MMS22L: variants seen among roughly 807,000 people sequenced by gnomAD.
MMS22L encodes the protein MMS22 like, DNA repair protein.
Under a neutral mutation model 159.1 loss-of-function variants are expected in MMS22L, and 74 were observed. The ratio of observed to expected loss-of-function variants is 0.47; its 90% CI spans 0.39 to 0.56. The LOEUF (loss-of-function observed/expected upper bound fraction) is 0.56. Among genes scored for constraint, MMS22L ranks in the 20% least tolerant of loss-of-function variants. The probability of loss-of-function intolerance (pLI) is 0.00; values close to 1 mark genes in which losing one functional copy is unlikely to be tolerated. For synonymous variants in MMS22L, 517 were observed against 506.9 expected (o/e 1.02, Z -0.27); for missense variants, 1,351 against 1,422.1 (o/e 0.95, Z 0.80).
chr6:97,162,024 C>T lies in MMS22L; in HGVS notation c.3363G>A (p.Leu1121=). ...AACCTTGTGGTTCACTGACTAACAC[C>T]AAGCATTTTAAAATGCCAGGGAGGA... ...ELLLPGILKC[L]VLVSEPQVKR... Residue 1121 remains leucine (L), a synonymous_variant, in exon 22 of 25, where the codon TTG becomes TTA. Coordinates refer to ENST00000683635, the MANE Select transcript of MMS22L (RefSeq NM_001350599.2). 1.2e-6 allele frequency: 2 copies of T among 1,610,636 alleles called. No individual in the cohort carries two copies. The highest frequency in any genetic ancestry group is 1.7e-6 in the Non-Finnish European group (2 of 1,178,618).
At position 97,272,883 on chromosome 6, in the gene MMS22L, TA is replaced by T. The variant is rs771431203; in HGVS notation, c.429-3del. ...TCAGCATTCTGTACTTTCAGATACC[TA>T]AAAAATAATTAGATAAAATAAACAA... On this transcript the variant is annotated splice_polypyrimidine_tract_variant and splice_region_variant and intron_variant, in intron 5 of 24. Transcript: ENST00000683635. 2.5e-5 allele frequency: 40 copies of T among 1,608,944 alleles called. No homozygotes were observed. In the South Asian group the frequency reaches 4.1e-4, roughly 17 times the overall value.
In MMS22L at chr6:97,211,734, G is replaced by T. The variant is rs114763586; in HGVS notation, c.2039+17160C>A. ...GTAGAAAAGTAGATGTCAGAAGAAA[G>T]AAATGCGGCAAAGTGTATCAATAAC... On this transcript the variant is annotated intron_variant, in intron 14 of 24. Coordinates refer to ENST00000683635, the MANE Select transcript of MMS22L (RefSeq NM_001350599.2). Among the ~76,000 whole-genome samples, 266 of 152,216 alleles carry T rather than the reference G, an allele frequency of 1.7e-3. 1 individual carries two copies. Among genetic ancestry groups the T allele is most frequent in the African/African-American group, 5.9e-3 (247 of 41,560 alleles).
chr6:97,195,898 T>C (rs1425287985), intron 14 of MMS22L, among the ~76,000 whole-genome samples: 1 of 152,186 alleles, frequency 6.6e-6, no homozygotes, highest in Non-Finnish European at 1.5e-5. Flanking sequence ...ACACTAATTA[T>C]TTCGCATTTT....
At chr6:97,202,465 TC>T (rs1807282860) in intron 14 of MMS22L, among the ~76,000 whole-genome samples, 1 of 152,202 alleles carries the variant, frequency 6.6e-6, no homozygotes, top group African/African-American at 2.4e-5. Context: ...ATGGGAGGGA[TC>T]CTATGCATAT....
At chr6:97,194,518 T>C (rs1464131973) in intron 14 of MMS22L, among the ~76,000 whole-genome samples, 2 of 152,220 alleles carry the variant, frequency 1.3e-5, no homozygotes, top group South Asian at 2.1e-4. Context: ...CTGGCATATA[T>C]ATTTTCAATA....
chr6:97,246,210 T>C, intron 11 of MMS22L: 1 of 443,082 alleles, frequency 2.3e-6, no homozygotes, highest in South Asian at 1.6e-5. Context: ...ACTAGGACCT[T>C]ATCAGTTAGA....
chr6:97,150,256 G>C (rs915963560), intron 23 of MMS22L, among the ~76,000 whole-genome samples: 2 of 152,150 alleles, frequency 1.3e-5, no homozygotes, highest in African/African-American at 4.8e-5. Context: ...GCAGGGAAGG[G>C]AAGAGTTGGA....
At position 97,143,817 on chromosome 6, in the gene MMS22L, G is replaced by A. The variant is rs1800751338; in HGVS notation, c.*2989C>T. 6.6e-6 allele frequency: 1 copy of A among 152,246 alleles called. No homozygotes were observed. Among genetic ancestry groups the A allele is most frequent in the Admixed American group, 6.5e-5 (1 of 15,268 alleles). 9.4% of individuals were successfully genotyped at this position (152,246 alleles called of 1,614,324 possible). A position where few individuals can be genotyped will look rare whatever the true frequency, so the allele number is the denominator to read the frequency against. On this transcript the variant is annotated 3_prime_UTR_variant, in exon 25 of 25. Coordinates refer to ENST00000683635, the MANE Select transcript of MMS22L (RefSeq NM_001350599.2). ...AGGTTTAGAGATGAATTAGCACTAG[G>A]TGGCTCATCACGCCTGTAATCCCAG...
intron 14 of MMS22L, among the ~76,000 whole-genome samples, chr6:97,223,022 A>T (rs557477164): frequency 2.4e-4 from 37 of 152,250 alleles, no homozygotes; most frequent in South Asian, 8.3e-4. Flanking sequence ...AGTTTTAAAC[A>T]TAGGCATTTA....
intron 6 of MMS22L, 193 bp from the exon 7 acceptor site, chr6:97,270,185 A>C (rs1815575195): frequency 1.6e-6 from 1 of 636,190 alleles, no homozygotes. Context: ...AAAGCAGGAA[A>C]TATTTTCATC....
At chr6:97,163,001 C>G (rs1802604352) in intron 21 of MMS22L, among the ~76,000 whole-genome samples, 1 of 151,824 alleles carries the variant, frequency 6.6e-6, no homozygotes, top group Admixed American at 6.6e-5. Flanking sequence ...AGAGAAACCA[C>G]TAAGTATTAT....
intron 4 of MMS22L, among the ~76,000 whole-genome samples, chr6:97,276,673 T>C (rs1274909133): frequency 6.6e-6 from 1 of 152,240 alleles, no homozygotes; most frequent in Non-Finnish European, 1.5e-5. Flanking sequence ...TTATACAGTT[T>C]TATTTTTTTC....
In MMS22L at chr6:97,229,407, T is replaced by A; in HGVS notation, c.1530-4A>T. 1 of 1,503,880 alleles carries A rather than the reference T, an allele frequency of 6.6e-7. No homozygotes were observed. Among genetic ancestry groups the A allele is most frequent in the Non-Finnish European group, 8.9e-7 (1 of 1,122,032 alleles). 93.2% of individuals were successfully genotyped at this position (1,503,880 alleles called of 1,614,324 possible). ...TTGATGGAATTTTGAATATATTCTG[T>A]AAAACATTAAAAAATGCTTTAATAA... On this transcript the variant is annotated splice_polypyrimidine_tract_variant and splice_region_variant and intron_variant, in intron 13 of 24. Transcript: ENST00000683635.
chr6:97,175,125 TATTA>T (rs1394666513), intron 18 of MMS22L, among the ~76,000 whole-genome samples: 1 of 152,214 alleles, frequency 6.6e-6, no homozygotes, highest in Admixed American at 6.5e-5. Context: ...AAATTTTATT[TATTA>T]ATTCATTGAA....
intron 11 of MMS22L, among the ~76,000 whole-genome samples, chr6:97,240,929 T>G (rs1016472941): frequency 6.6e-6 from 1 of 152,120 alleles, no homozygotes; most frequent in African/African-American, 2.4e-5. Context: ...ACCCGGCCTG[T>G]ACCCTAAGTA....
At position 97,193,291 on chromosome 6, in the gene MMS22L, G is replaced by A. The variant is rs75733964; in HGVS notation, c.2040-6601C>T. Among the ~76,000 whole-genome samples the A allele has an allele frequency of 4.3e-3, 658 of 152,244 alleles. 10 individuals are homozygous for A. Among genetic ancestry groups the A allele is most frequent in the African/African-American group, 0.015 (626 of 41,538 alleles). ...AACAACAAATCAGGAATCCAGTGATGAACCTAGCAAACCAAGCATGCCTAT... is the reference window on the plus strand; with the variant it reads ...AACAACAAATCAGGAATCCAGTGATAAACCTAGCAAACCAAGCATGCCTAT... On this transcript the variant is annotated intron_variant, in intron 14 of 24. Coordinates refer to ENST00000683635, the MANE Select transcript of MMS22L (RefSeq NM_001350599.2).
intron 11 of MMS22L, among the ~76,000 whole-genome samples, chr6:97,242,488 T>C (rs1372465140): frequency 6.6e-6 from 1 of 152,220 alleles, no homozygotes. Context: ...TGAGTCCTTA[T>C]GTGTTAAGTC....
intron 2 of MMS22L, among the ~76,000 whole-genome samples, chr6:97,282,102 A>C (rs1816803063): frequency 6.6e-6 from 1 of 152,218 alleles, no homozygotes; most frequent in African/African-American, 2.4e-5. Flanking sequence ...ATCAGTTACC[A>C]AGGAAGTTTT....
At chr6:97,215,752 T>TAA (rs912398588) in intron 14 of MMS22L, among the ~76,000 whole-genome samples, 9 of 147,078 alleles carry the variant, frequency 6.1e-5, no homozygotes, top group African/African-American at 2.2e-4. Context: ...CTTTTCAAGA[T>TAA]AAAAAAAAAA....
Sources: allele counts gnomAD v4.1 joint callset (sites outside exome capture counted in the v4.1 genomes callset), GRCh38; gene constraint gnomAD v4.1.1; transcripts MANE v1.5; gene names NCBI Gene and HGNC (gene_info 2026-07-23, HGNC 2026-07-21).